PCNT: variants seen among roughly 807,000 people sequenced by gnomAD.
PCNT encodes the protein pericentrin, also known as kendrin.
In PCNT, 319 loss-of-function variants were observed where a neutral mutation model predicts 380.4. That is an observed-to-expected ratio of 0.84 (90% confidence interval 0.77 to 0.92). PCNT has a LOEUF of 0.92. PCNT is among the 40% of genes least tolerant of loss of function. The pLI is 0.00. For missense variants in PCNT, 4,400 were observed against 4,255.3 expected, an observed-to-expected ratio of 1.03 and a Z score of -0.95; for synonymous variants, 1,845 against 1,735.2, an observed-to-expected ratio of 1.06 and a Z score of -1.57.
Position 46,411,758 on chromosome 21 carries a change from G to T in PCNT, c.5685G>T (p.Leu1895=). The T allele has an allele frequency of 6.2e-7, 1 of 1,610,198 alleles. No individual in the cohort carries two copies. Among genetic ancestry groups the T allele is most frequent in the East Asian group, 2.2e-5 (1 of 44,868 alleles). The change falls in exon 28 of 47, where the codon CTG becomes CTT. Residue 1895 remains leucine (L), a synonymous_variant. Transcript: ENST00000359568. ...AAHSAELEAV[L]LALARIRRAL... ...ACTCTGCCGAGCTGGAGGCCGTCCT[G>T]TTGGCCTTGGCCCGCATCCGCCGCG...
intron 24 of PCNT, among the ~76,000 whole-genome samples, chr21:46,399,012 G>A (rs2147435896): frequency 6.6e-6 from 1 of 151,940 alleles, no homozygotes; most frequent in South Asian, 2.1e-4. Context: ...GTAGAGACAG[G>A]GTTTCACTGT....
Position 46,385,838 on chromosome 21 carries a change from G to A in PCNT, c.3319G>A (p.Asp1107Asn). Residue 1107 changes from aspartate (D) to asparagine (N), a missense_variant, in exon 17 of 47, where the codon GAC (aspartate) becomes AAC (asparagine). By Grantham distance (23) the Asp-to-Asn change is conservative (BLOSUM62 1). Transcript: ENST00000359568. ...KKNHQVQQLK[D>N]QVLSLSHEIE... ...TAACCATTTTTCTCGATAGCTGAAA[G>A]ACCAGGTTTTATCCTTAAGTCACGA... 1 of 1,614,224 alleles carries A rather than the reference G, an allele frequency of 6.2e-7. No individual in the cohort carries two copies. The highest frequency in any genetic ancestry group is 1.1e-5 in the South Asian group (1 of 91,078).
chr21:46,399,732 A>G lies in PCNT; in HGVS notation c.4727A>G (p.Lys1576Arg), dbSNP rs768872502. Residue 1576 changes from lysine (K) to arginine (R), a missense_variant, in exon 25 of 47, where the codon AAA (lysine) becomes AGA (arginine). Transcript: ENST00000359568. ...GAGGAGATGAACATCAACATCAGGAAAAAAGTGGCCCAGCTCCAGGAAGAA... is the reference window on the plus strand; with the variant it reads ...GAGGAGATGAACATCAACATCAGGAGAAAAGTGGCCCAGCTCCAGGAAGAA... Reference protein sequence around the residue: ...RLEEMNINIRKKVAQLQEEVE... With the variant: ...RLEEMNINIRRKVAQLQEEVE... The G allele has an allele frequency of 1.1e-5, 18 of 1,614,154 alleles. No homozygotes were observed. The highest frequency in any genetic ancestry group is 3.3e-4 in the Middle Eastern group (2 of 6,062).
chr21:46,417,719 G>A (rs992001604), intron 30 of PCNT, among the ~76,000 whole-genome samples: 2 of 151,876 alleles, frequency 1.3e-5, no homozygotes, highest in Admixed American at 1.3e-4. Context: ...TGGGTAACAC[G>A]GTGAGACCCT....
chr21:46,398,336 C>T, intron 24 of PCNT, 81 bp downstream of exon 24: 7 of 1,416,812 alleles, frequency 4.9e-6, no homozygotes, highest in Non-Finnish European at 5.8e-6. Context: ...TCCTGCCACC[C>T]ACTCGCTTTT....
intron 15 of PCNT, among the ~76,000 whole-genome samples, chr21:46,380,120 G>C (rs1371206665): frequency 1.5e-5 from 2 of 130,022 alleles, no homozygotes; most frequent in Non-Finnish European, 3.2e-5. Flanking sequence ...GACACTGACT[G>C]TTTCCAACCG....
At chr21:46,426,710 C>T (rs1220094523) in intron 33 of PCNT, among the ~76,000 whole-genome samples, 1 of 152,240 alleles carries the variant, frequency 6.6e-6, no homozygotes, top group Non-Finnish European at 1.5e-5. Context: ...GTCGACCCCG[C>T]ACCCCACTTT....
intron 16 of PCNT, among the ~76,000 whole-genome samples, chr21:46,383,265 C>T (rs113371233): frequency 0.079 from 10,917 of 137,914 alleles, 36 homozygotes; most frequent in East Asian, 0.29. Flanking sequence ...GTGATGGAAG[C>T]GCATTCACAG....
In PCNT at chr21:46,366,696, C is replaced by G; in HGVS notation, c.2722C>G (p.His908Asp). ...ARELQLLQER[H>D]QQQLLSVTAE... is the part of the protein sequence containing the mutation. The stretch of plus-strand genomic sequence containing the variant: ...TGAGCTGCAGCTCCTCCAGGAGAGA[C>G]ACCAGCAGCAGCTCCTGTCAGTGAC... Residue 908 changes from histidine to aspartate, a missense_variant, in exon 15 of 47, where the codon CAC becomes GAC. His to Asp is a moderately conservative substitution (Grantham distance 81). Transcript: ENST00000359568. 6 of 1,613,820 alleles carry G rather than the reference C, an allele frequency of 3.7e-6. No homozygotes were observed. Among genetic ancestry groups the G allele is most frequent in the Non-Finnish European group, 5.1e-6 (6 of 1,180,040 alleles).
At chr21:46,415,674 C>T (rs904947116) in intron 29 of PCNT, among the ~76,000 whole-genome samples, 1 of 152,156 alleles carries the variant, frequency 6.6e-6, no homozygotes, top group Non-Finnish European at 1.5e-5. Flanking sequence ...TGAGCCACTG[C>T]ACCCGGCCCA....
At chr21:46,368,236 G>A (rs1202848754) in intron 15 of PCNT, among the ~76,000 whole-genome samples, 1 of 152,138 alleles carries the variant, frequency 6.6e-6, no homozygotes, top group African/African-American at 2.4e-5. Context: ...ACAAGGTCAG[G>A]TGATCGAGAC....
chr21:46,361,840 C>G (rs2084731237), intron 13 of PCNT, among the ~76,000 whole-genome samples: 1 of 152,088 alleles, frequency 6.6e-6, no homozygotes, highest in East Asian at 1.9e-4. Flanking sequence ...GTTTCTTGTT[C>G]AGGATTTAAA....
Position 46,327,064 on chromosome 21 carries a change from A to G in PCNT, c.267+475A>G, listed in dbSNP as rs550807213. ...TTTATGGTTTTATTCTTTTTATTTTATTTTTTATTTTTTTGAGATGGATTC... is the reference window on the plus strand; with the variant it reads ...TTTATGGTTTTATTCTTTTTATTTTGTTTTTTATTTTTTTGAGATGGATTC... On this transcript the variant is annotated intron_variant, in intron 2 of 46. Transcript: ENST00000359568. Among the ~76,000 whole-genome samples, 59 of 149,380 alleles carry G rather than the reference A, an allele frequency of 3.9e-4. 1 individual carries two copies. Among genetic ancestry groups the G allele is most frequent in the African/African-American group, 1.4e-3 (58 of 40,974 alleles).
intron 3 of PCNT, among the ~76,000 whole-genome samples, chr21:46,344,560 C>T (rs1254874776): frequency 6.6e-6 from 1 of 152,222 alleles, no homozygotes; most frequent in Admixed American, 6.5e-5. Context: ...GCCAGTTCCC[C>T]AGTTGGGGCA....
At chr21:46,437,132 G>A in intron 40 of PCNT, 51 bp downstream of exon 40, 1 of 1,207,494 alleles carries the variant, frequency 8.3e-7, no homozygotes, top group South Asian at 1.2e-5. Flanking sequence ...CCCCAGAGGG[G>A]CCCTCTCGGC....
In PCNT at chr21:46,388,226, A is replaced by G. The variant is rs1555973036; in HGVS notation, c.3465-516A>G. On this transcript the variant is annotated intron_variant, in intron 17 of 46. Coordinates refer to ENST00000359568, the MANE Select transcript of PCNT (RefSeq NM_006031.6). This position sits in a 1 kb window ranked among gnomAD's most constrained non-coding sequence, Gnocchi z 4.2. ...CTCCATCTCAAAAAAAAAAAAAGAC[A>G]GAAGCATCCCAGACCGCACGTCCAC... is the stretch of plus-strand genomic sequence containing the variant. 6.6e-6 allele frequency among the ~76,000 whole-genome samples: 1 copy of G among 151,204 alleles called. No individual in the cohort carries two copies. Among genetic ancestry groups the G allele is most frequent in the Non-Finnish European group, 1.5e-5 (1 of 67,806 alleles).
chr21:46,438,043 T>C, intron 40 of PCNT, 121 bp from the exon 41 acceptor site: 1 of 825,008 alleles, frequency 1.2e-6, no homozygotes, highest in Non-Finnish European at 2.0e-6. Flanking sequence ...CTCCACAAGC[T>C]TCTCATTGAA....
intron 29 of PCNT, among the ~76,000 whole-genome samples, chr21:46,415,352 A>G (rs2086982039): frequency 1.4e-5 from 2 of 145,728 alleles, no homozygotes; most frequent in South Asian, 2.2e-4. Context: ...TCATGACAGG[A>G]ACGTTTCTTT....
chr21:46,385,958 G>A lies in PCNT; in HGVS notation c.3439G>A (p.Asp1147Asn), dbSNP rs749782503. ...AAACCTCCTCTCCATGCTCAAGGCCGACGTCAACCTGTCCCACAGCGAAAG... is the reference window on the plus strand; with the variant it reads ...AAACCTCCTCTCCATGCTCAAGGCCAACGTCAACCTGTCCCACAGCGAAAG... ...GANLLSMLKA[D>N]VNLSHSERGA... Residue 1147 changes from aspartate (D) to asparagine (N), a missense_variant, in exon 17 of 47, where the codon GAC (aspartate) becomes AAC (asparagine). By Grantham distance (23) the Asp-to-Asn change is conservative (BLOSUM62 1). Coordinates refer to ENST00000359568, the MANE Select transcript of PCNT (RefSeq NM_006031.6). 8 of 1,614,040 alleles carry A rather than the reference G, an allele frequency of 5.0e-6. No individual in the cohort carries two copies. Among genetic ancestry groups the A allele is most frequent in the South Asian group, 2.2e-5 (2 of 91,084 alleles).
Sources: gnomAD v4.1 joint callset for allele counts (sites outside exome capture counted in the v4.1 genomes callset) on GRCh38, gnomAD v4.1.1 for gene constraint, Gnocchi (gnomAD v3.1) non-coding constraint, MANE v1.5 for transcripts, NCBI Gene and HGNC (gene_info 2026-07-23, HGNC 2026-07-21) for gene names.